IRAK1BP1: variants seen among roughly 807,000 people sequenced by gnomAD.
IRAK1BP1 encodes the protein interleukin 1 receptor associated kinase 1 binding protein 1, also known as interleukin-1 receptor-associated kinase 1-binding protein 1.
In IRAK1BP1, 24 loss-of-function variants were observed where a neutral mutation model predicts 28.0. The ratio of observed to expected loss-of-function variants is 0.86; its 90% CI spans 0.62 to 1.20. The LOEUF is 1.20. Among genes scored for constraint, IRAK1BP1 ranks in the 50% most tolerant of loss-of-function variants. The pLI, the probability that IRAK1BP1 is intolerant of heterozygous loss-of-function variation, is 0.00. For missense variants in IRAK1BP1, 336 were observed against 316.7 expected, an observed-to-expected ratio of 1.06 and a Z score of -0.46; for synonymous variants, 131 against 116.3, an observed-to-expected ratio of 1.13 and a Z score of -0.81.
the IRAK1BP1 span, chr6:78,965,641 T>G: frequency 1.1e-6 from 1 of 934,886 alleles, no homozygotes; most frequent in African/African-American, 1.7e-5. Flanking sequence ...TAGCAAATCT[T>G]AAATAATTTC....
At chr6:78,968,552 C>G in the IRAK1BP1 span, among the ~76,000 whole-genome samples, 1 of 152,150 alleles carries the variant, frequency 6.6e-6, no homozygotes, top group Non-Finnish European at 1.5e-5. Flanking sequence ...CCATGGAGGT[C>G]CTGGAAGTAA....
chr6:78,973,256 A>C, the IRAK1BP1 span, among the ~76,000 whole-genome samples: 2 of 151,850 alleles, frequency 1.3e-5, no homozygotes, highest in East Asian at 1.9e-4. Flanking sequence ...TTCAACCCAG[A>C]ATTTCATATC....
the IRAK1BP1 span, chr6:78,954,970 T>C: frequency 6.5e-7 from 1 of 1,536,608 alleles, no homozygotes; most frequent in Non-Finnish European, 8.7e-7. Context: ...GGTCCTGTGA[T>C]AAAAGTGTTC....
At position 78,901,344 on chromosome 6, in the gene IRAK1BP1, T is replaced by G. The variant is rs946575133; in HGVS notation, c.*3010T>G. The G allele has an allele frequency of 1.3e-5, 2 of 152,112 alleles. No homozygotes were observed. The highest frequency in any genetic ancestry group is 2.9e-5 in the Non-Finnish European group (2 of 67,996). The allele number at this position is 152,112 out of a possible 1,614,324, so 9.4% of individuals were successfully genotyped here. On this transcript the variant is annotated 3_prime_UTR_variant, in exon 4 of 4. Transcript: ENST00000369940. ...CATTCAAAGATTGGAAAGACTTATG[T>G]GTAGTATTCTGTATACTAAAGGGTA...
chr6:78,958,830 C>G, the IRAK1BP1 span, among the ~76,000 whole-genome samples: 2 of 151,982 alleles, frequency 1.3e-5, no homozygotes, highest in Admixed American at 6.6e-5. Context: ...ATGGAACACA[C>G]CATATTAACA....
In IRAK1BP1 at chr6:78,876,552, T is replaced by G. The variant is rs549368714; in HGVS notation, c.315+8661T>G. Among the ~76,000 whole-genome samples, 6 of 152,340 alleles carry G rather than the reference T, an allele frequency of 3.9e-5. No homozygotes were observed. In the South Asian group the frequency reaches 1.2e-3, roughly 32 times the overall value. ...AGTTTTGTGCCCCTTATAGCAGGCT[T>G]TCTCAATCTTGGCAGTATTAACATT... On this transcript the variant is annotated intron_variant, in intron 1 of 3. Transcript: ENST00000369940.
chr6:78,910,508 T>TA (rs1439026263), intron 4 of IRAK1BP1, among the ~76,000 whole-genome samples: 1 of 152,244 alleles, frequency 6.6e-6, no homozygotes, highest in Admixed American at 6.5e-5. Context: ...ATAGAAACAA[T>TA]AGTTACTGTT....
intron 4 of IRAK1BP1, among the ~76,000 whole-genome samples, chr6:78,933,668 C>CT (rs35416532): frequency 0.13 from 18,299 of 136,552 alleles, 1,637 homozygotes; most frequent in African/African-American, 0.23. Flanking sequence ...TAGCTTCCAA[C>CT]TTTTTTTTTT....
chr6:78,940,666 T>A, intron 4 of IRAK1BP1: 1 of 1,532,190 alleles, frequency 6.5e-7, no homozygotes, highest in Non-Finnish European at 8.9e-7. Flanking sequence ...GCTTTATAGA[T>A]TTTGAAGTAA....
At chr6:78,912,205 A>G (rs535284027) in intron 4 of IRAK1BP1, among the ~76,000 whole-genome samples, 1 of 152,202 alleles carries the variant, frequency 6.6e-6, no homozygotes, top group African/African-American at 2.4e-5. Flanking sequence ...GTTTGATGAT[A>G]AGAGATTCGT....
At chr6:78,896,903 A>G (rs1347343122) in intron 2 of IRAK1BP1, among the ~76,000 whole-genome samples, 4 of 151,376 alleles carry the variant, frequency 2.6e-5, no homozygotes, top group Non-Finnish European at 5.9e-5. Flanking sequence ...TCTCTCTGCT[A>G]CTCCAGCTTA....
intron 2 of IRAK1BP1, among the ~76,000 whole-genome samples, chr6:78,889,649 C>T (rs901609077): frequency 1.3e-5 from 2 of 150,938 alleles, no homozygotes; most frequent in African/African-American, 2.4e-5. Context: ...GACATTTATG[C>T]GGCCAGCAAA....
rs575431912 is a variant in IRAK1BP1 at position 78,921,210 on chromosome 6, C to T, written c.*67+18100C>T. Among the ~76,000 whole-genome samples, 36 of 152,276 alleles carry T rather than the reference C, an allele frequency of 2.4e-4. No individual in the cohort carries two copies. The East Asian group carries it at 3.1e-3, about 13-fold the overall frequency. ...GGGTGACAGATGGCAACTAGAAAAT[C>T]GGGTAACTCCCACCCTAATACTGCA... On this transcript the variant is annotated intron_variant and NMD_transcript_variant, in intron 4 of 4. Coordinates refer to the IRAK1BP1 transcript ENST00000606868.
At chr6:78,946,309 G>C (rs181972141) in exon 5 of IRAK1BP1, 1 of 1,514,320 alleles carries the variant, frequency 6.6e-7, no homozygotes, top group Admixed American at 2.1e-5. Flanking sequence ...CTATGTGAAC[G>C]AATAAAACAG....
the IRAK1BP1 span, among the ~76,000 whole-genome samples, chr6:78,977,914 C>T: frequency 3.3e-5 from 5 of 151,930 alleles, no homozygotes; most frequent in Non-Finnish European, 5.9e-5. Flanking sequence ...AATTAGTGTG[C>T]TTTGCTAAAG....
Position 78,925,842 on chromosome 6 carries a change from T to C in IRAK1BP1, c.*68-19566T>C, listed in dbSNP as rs143552286. Among the ~76,000 whole-genome samples, 372 of 152,264 alleles carry C rather than the reference T, an allele frequency of 2.4e-3. 8 individuals are homozygous for C. Among genetic ancestry groups the C allele is most frequent in the East Asian group, 4.4e-3 (23 of 5,180 alleles). On this transcript the variant is annotated intron_variant and NMD_transcript_variant, in intron 4 of 4. Coordinates refer to the IRAK1BP1 transcript ENST00000606868. ...AAGAAAATATGGTACATATACACCA[T>C]GGAATACTATGCAGCCATAATAAAG...
chr6:78,906,001 A>G (rs1156706822), downstream of IRAK1BP1, among the ~76,000 whole-genome samples: 1 of 152,236 alleles, frequency 6.6e-6, no homozygotes, highest in Non-Finnish European at 1.5e-5. Context: ...AATCTAAAGA[A>G]TGTTTTAAAA....
chr6:78,954,580 A>C, the IRAK1BP1 span, among the ~76,000 whole-genome samples: 4 of 152,180 alleles, frequency 2.6e-5, no homozygotes, highest in African/African-American at 7.2e-5. Context: ...AAAGCTGCAC[A>C]ACTAGTAGGA....
chr6:78,892,695 T>A (rs1308172355), intron 2 of IRAK1BP1, among the ~76,000 whole-genome samples: 1 of 152,062 alleles, frequency 6.6e-6, no homozygotes, highest in Admixed American at 6.6e-5. Flanking sequence ...GTTCACATGC[T>A]CAAAAGTTAA....
Sources: gnomAD v4.1 joint callset for allele counts (sites outside exome capture counted in the v4.1 genomes callset) on GRCh38, gnomAD v4.1.1 for gene constraint, MANE v1.5 for transcripts, NCBI Gene and HGNC (gene_info 2026-07-23, HGNC 2026-07-21) for gene names.